Variants in TSGA10IP observed in about 807,000 individuals in gnomAD.
TSGA10IP encodes testis specific 10 interacting protein.
In TSGA10IP, 64 loss-of-function variants were observed where a neutral mutation model predicts 63.2. The ratio of observed to expected loss-of-function variants is 1.01; its 90% CI spans 0.83 to 1.25. TSGA10IP has a LOEUF of 1.25. TSGA10IP is among the 50% of genes most tolerant of loss of function. The pLI is 0.00. For synonymous variants in TSGA10IP, 316 were observed against 298.3 expected, an observed-to-expected ratio of 1.06 and a Z score of -0.61; for missense variants, 681 against 710.1, an observed-to-expected ratio of 0.96 and a Z score of 0.47.
chr11:65,946,284 G>A (rs1565304809), intron 1 of TSGA10IP, among the ~76,000 whole-genome samples: 2 of 152,130 alleles, frequency 1.3e-5, no homozygotes. Context: ...CATGATGGAG[G>A]TGATAGTGAG....
At chr11:65,959,631 T>G (rs1452755557) in intron 7 of TSGA10IP, among the ~76,000 whole-genome samples, 186 bp from the exon 8 acceptor site, 1 of 152,162 alleles carries the variant, frequency 6.6e-6, no homozygotes, top group Non-Finnish European at 1.5e-5. Context: ...TAGAATAACC[T>G]GGTACAGAGC....
Position 65,958,868 on chromosome 11 carries a change from C to T in TSGA10IP, c.1323-15C>T. ...TGTCCATGGTTAGCTGCACAAAGGCCTGTCTCCCCTGCAGGCGCCAGGAGC... is the reference window on the plus strand; with the variant it reads ...TGTCCATGGTTAGCTGCACAAAGGCTTGTCTCCCCTGCAGGCGCCAGGAGC... On this transcript the variant is annotated splice_polypyrimidine_tract_variant and intron_variant, in intron 5 of 7. Coordinates refer to ENST00000532620, the Ensembl canonical transcript of TSGA10IP. The T allele has an allele frequency of 1.9e-6, 3 of 1,608,002 alleles. No individual in the cohort carries two copies. The highest frequency in any genetic ancestry group is 2.5e-6 in the Non-Finnish European group (3 of 1,177,112).
chr11:65,951,006 T>C lies in TSGA10IP; in HGVS notation c.1152-2561T>C, dbSNP rs1854933219. On this transcript the variant is annotated intron_variant, in intron 4 of 7. Transcript: ENST00000532620. ...TCACTTAACATAGTGTCCTCCAGGTTTATGCATGTTGTTGCAAATGATGGG... is the reference window on the plus strand; with the variant it reads ...TCACTTAACATAGTGTCCTCCAGGTCTATGCATGTTGTTGCAAATGATGGG... Among the ~76,000 whole-genome samples the C allele has an allele frequency of 4.6e-5, 7 of 152,218 alleles. No individual in the cohort carries two copies. In the South Asian group the frequency reaches 1.4e-3, roughly 31 times the overall value.
At position 65,953,647 on chromosome 11, in the gene TSGA10IP, TAC is replaced by T; in HGVS notation, c.1234_1235del (p.Gln412AlafsTer38). 1.3e-6 allele frequency: 2 copies of T among 1,591,124 alleles called. No individual in the cohort carries two copies. Among genetic ancestry groups the T allele is most frequent in the South Asian group, 2.2e-5 (2 of 89,798 alleles). ...CTGCGGCGGGCCCGGACACAGCATGTACAGCGGCAGGTGGCCCACTGCCTGGC... is the reference window on the plus strand; with the variant it reads ...CTGCGGCGGGCCCGGACACAGCATGTAGCGGCAGGTGGCCCACTGCCTGGC... On this transcript the variant is annotated frameshift_variant, in exon 5 of 8. Coordinates refer to ENST00000532620, the Ensembl canonical transcript of TSGA10IP. LOFTEE classifies it high-confidence loss of function.
At chr11:65,956,262 C>T (rs895580939) in intron 5 of TSGA10IP, among the ~76,000 whole-genome samples, 7 of 150,696 alleles carry the variant, frequency 4.6e-5, no homozygotes, top group African/African-American at 1.5e-4. Context: ...CTCAGCCTTC[C>T]GAGTAGCTGG....
chr11:65,953,585 G>C (rs755761785), exon 5 of TSGA10IP: 1 of 1,591,188 alleles, frequency 6.3e-7, no homozygotes, highest in South Asian at 1.1e-5. Flanking sequence ...TGCAGGCCTG[G>C]GAGCGGCAGC....
intron 1 of TSGA10IP, 70 bp from the exon 2 acceptor site, chr11:65,946,810 C>G (rs117754316): frequency 6.5e-7 from 1 of 1,544,892 alleles, no homozygotes; most frequent in African/African-American, 1.4e-5. Context: ...GAGGGAGCAC[C>G]CGGGTGAGGT....
Position 65,946,870 on chromosome 11 carries a change from C to G in TSGA10IP, c.148-10C>G. 1 of 1,613,104 alleles carries G rather than the reference C, an allele frequency of 6.2e-7. No homozygotes were observed. The highest frequency in any genetic ancestry group is 1.1e-5 in the South Asian group (1 of 90,970). On this transcript the variant is annotated splice_polypyrimidine_tract_variant and intron_variant, in intron 1 of 7. Coordinates refer to ENST00000532620, the Ensembl canonical transcript of TSGA10IP. Reference sequence around the variant, plus strand: ...AAGCTGGCTGCTCCTCCCCTACTGTCTCTGCCCAGGGCTGCCTGGGGAGTG... The same window carrying G: ...AAGCTGGCTGCTCCTCCCCTACTGTGTCTGCCCAGGGCTGCCTGGGGAGTG...
rs1422278445 is a variant in TSGA10IP at position 65,959,808 on chromosome 11, G to A, written c.1548-9G>A. The A allele has an allele frequency of 3.9e-6, 6 of 1,552,138 alleles. No individual in the cohort carries two copies. Among genetic ancestry groups the A allele is most frequent in the African/African-American group, 1.4e-5 (1 of 73,224 alleles). ...TGCAGAGTCAGGGGCCTCTATCTGT[G>A]TCTTGAAGGAGCCACAGGTCAATGG... On this transcript the variant is annotated splice_polypyrimidine_tract_variant and intron_variant, in intron 7 of 7. Transcript: ENST00000532620.
intron 4 of TSGA10IP, among the ~76,000 whole-genome samples, chr11:65,952,683 TTATACACAATA>T (rs963244923): frequency 4.6e-5 from 7 of 152,008 alleles, no homozygotes; most frequent in East Asian, 1.9e-4. Context: ...AGACCACCTT[TTATACACAATA>T]TATACACAAT....
exon 3 of TSGA10IP, chr11:65,947,182 C>A (rs773612172): frequency 6.2e-7 from 1 of 1,609,172 alleles, no homozygotes; most frequent in Non-Finnish European, 8.5e-7. Context: ...CCACAGATGT[C>A]CGGGCTGTGC....
In TSGA10IP at chr11:65,959,199, C is replaced by G. The variant is rs1317606626; in HGVS notation, c.1432C>G (p.Arg478Gly). 6 of 1,604,510 alleles carry G rather than the reference C, an allele frequency of 3.7e-6. No individual in the cohort carries two copies. In the African/African-American group the frequency reaches 5.4e-5, roughly 14 times the overall value. The change falls in exon 7 of 8, where the codon CGG (arginine) becomes GGG (glycine). Residue 478 changes from arginine (R) to glycine (G), a missense_variant. Physicochemically the swap from Arg to Gly is moderately radical, Grantham distance 125. Transcript: ENST00000532620. ...TCTTCTCTCTCCTCAGGCCAATGCC[C>G]GGCTCACCGTCACTCGGCGCTTCTC...
intron 4 of TSGA10IP, among the ~76,000 whole-genome samples, chr11:65,951,211 T>A (rs1389584594): frequency 6.6e-6 from 1 of 152,194 alleles, no homozygotes; most frequent in Admixed American, 6.6e-5. Flanking sequence ...CCTTTGAATA[T>A]GTACCCAGAA....
chr11:65,957,914 CAA>C (rs925207829), intron 5 of TSGA10IP, among the ~76,000 whole-genome samples: 18 of 152,342 alleles, frequency 1.2e-4, no homozygotes, highest in African/African-American at 4.3e-4. Context: ...CAGTGATACT[CAA>C]GTTTGTCAAA....
At chr11:65,948,450 T>C (rs1854885977) in intron 4 of TSGA10IP, among the ~76,000 whole-genome samples, 1 of 152,208 alleles carries the variant, frequency 6.6e-6, no homozygotes, top group South Asian at 2.1e-4. Flanking sequence ...ATCCATTAAA[T>C]TATTAACTAA....
At position 65,945,839 on chromosome 11, in the gene TSGA10IP, G is replaced by T. The variant is rs771709607; in HGVS notation, c.147+17G>T. The T allele has an allele frequency of 3.1e-6, 5 of 1,612,292 alleles. No homozygotes were observed. In the African/African-American group the frequency reaches 6.7e-5, roughly 22 times the overall value. ...GACAAGCAGGTGAGGGAGGCCCAGTGAGGACACTTCCAGCTGCCTAGAGCC... is the reference window on the plus strand; with the variant it reads ...GACAAGCAGGTGAGGGAGGCCCAGTTAGGACACTTCCAGCTGCCTAGAGCC... On this transcript the variant is annotated intron_variant, in intron 1 of 7. Coordinates refer to ENST00000532620, the Ensembl canonical transcript of TSGA10IP.
At position 65,948,153 on chromosome 11, in the gene TSGA10IP, G is replaced by C. The variant is rs1047231916; in HGVS notation, c.1151+5G>C. On this transcript the variant is annotated splice_donor_5th_base_variant and intron_variant, in intron 4 of 7. Transcript: ENST00000532620. ...CAAACGACAGGAAGCCACCAGGTAA[G>C]AGGGAAGAGAAGGGAGTGGGAGCCC... is the stretch of plus-strand genomic sequence containing the variant. 1 of 1,601,308 alleles carries C rather than the reference G, an allele frequency of 6.2e-7. No homozygotes were observed. The highest frequency in any genetic ancestry group is 8.5e-7 in the Non-Finnish European group (1 of 1,174,200).
At chr11:65,959,386 CT>C in intron 7 of TSGA10IP, 72 bp downstream of exon 7, 1 of 1,564,988 alleles carries the variant, frequency 6.4e-7, no homozygotes, top group Non-Finnish European at 8.7e-7. Flanking sequence ...CACCAGCACT[CT>C]GGGCTCTGGA....
exon 1 of TSGA10IP, chr11:65,945,782 G>T: frequency 6.2e-7 from 1 of 1,614,000 alleles, no homozygotes; most frequent in African/African-American, 1.3e-5. Context: ...ACCAGAACGG[G>T]GCTGCTCAAG....
Sources: allele counts gnomAD v4.1 joint callset (sites outside exome capture counted in the v4.1 genomes callset), GRCh38; gene constraint gnomAD v4.1.1; transcripts MANE v1.5; gene names NCBI Gene and HGNC (gene_info 2026-07-23, HGNC 2026-07-21).